Variants in LY86 observed in about 807,000 individuals in gnomAD.
LY86 encodes lymphocyte antigen 86.
In LY86, 20 loss-of-function variants were observed where a neutral mutation model predicts 17.3. That is an observed-to-expected ratio of 1.15 (90% CI 0.81 to 1.68). LY86 has a LOEUF of 1.68. Ranked by LOEUF, LY86 falls within the 40% of genes most tolerant of loss-of-function variation. The pLI is 0.00. For synonymous variants in LY86, 74 were observed against 70.6 expected (o/e 1.05, Z -0.24); for missense variants, 200 against 191.9 (o/e 1.04, Z -0.25).
chr6:6,651,936 A>C (rs570111649), intron 4 of LY86, among the ~76,000 whole-genome samples: 12 of 151,872 alleles, frequency 7.9e-5, no homozygotes, highest in African/African-American at 2.9e-4. Flanking sequence ...CACGCCTGTA[A>C]TCGCAGCCAC....
intron 3 of LY86, among the ~76,000 whole-genome samples, chr6:6,640,536 A>G (rs755520267): frequency 2.5e-4 from 38 of 152,214 alleles, no homozygotes; most frequent in Admixed American, 4.6e-4. Context: ...ACTGGGCAAC[A>G]TAGGAAGACC....
At chr6:6,605,372 G>A (rs1412643838) in intron 1 of LY86, among the ~76,000 whole-genome samples, 9 of 152,220 alleles carry the variant, frequency 5.9e-5, no homozygotes, top group African/African-American at 2.2e-4. Context: ...GCTTGGCTGG[G>A]GGAGCAGCTG....
intron 1 of LY86, among the ~76,000 whole-genome samples, chr6:6,592,326 A>T (rs1444980233): frequency 2.0e-5 from 3 of 152,234 alleles, no homozygotes; most frequent in Non-Finnish European, 4.4e-5. Flanking sequence ...AGGAGCAAAC[A>T]CAGTCAGGGC....
chr6:6,613,334 G>A (rs1464172084), intron 1 of LY86, among the ~76,000 whole-genome samples: 1 of 152,228 alleles, frequency 6.6e-6, no homozygotes, highest in Non-Finnish European at 1.5e-5. Context: ...GGGTGGCGCT[G>A]CTCGTCGGGG....
intron 1 of LY86, among the ~76,000 whole-genome samples, chr6:6,612,877 T>A (rs1264120191): frequency 1.3e-5 from 2 of 151,696 alleles, no homozygotes; most frequent in East Asian, 3.9e-4. Flanking sequence ...TACATTCCCT[T>A]AGCTAGACAT....
intron 4 of LY86, among the ~76,000 whole-genome samples, chr6:6,651,661 T>C (rs1762188521): frequency 6.6e-6 from 1 of 152,194 alleles, no homozygotes; most frequent in Admixed American, 6.5e-5. Context: ...AACAATTGAC[T>C]TTCACTTTTG....
At chr6:6,645,155 G>A (rs1012388353) in intron 3 of LY86, among the ~76,000 whole-genome samples, 2 of 151,956 alleles carry the variant, frequency 1.3e-5, no homozygotes, top group African/African-American at 2.4e-5. Flanking sequence ...TTTTTAAAAC[G>A]AAAGTTTAAA....
At chr6:6,589,450 C>T (rs1477923727) in intron 1 of LY86, among the ~76,000 whole-genome samples, 1 of 152,170 alleles carries the variant, frequency 6.6e-6, no homozygotes, top group Admixed American at 6.5e-5. Flanking sequence ...GTGCATATGC[C>T]AGGCCTGTCA....
At chr6:6,594,729 A>C (rs952127945) in intron 1 of LY86, among the ~76,000 whole-genome samples, 7 of 152,322 alleles carry the variant, frequency 4.6e-5, no homozygotes, top group South Asian at 2.1e-4. Flanking sequence ...TCATTGTCAT[A>C]ATAACCTCTC....
intron 3 of LY86, among the ~76,000 whole-genome samples, chr6:6,646,589 A>G (rs1762111520): frequency 6.6e-6 from 1 of 152,222 alleles, no homozygotes; most frequent in African/African-American, 2.4e-5. Flanking sequence ...GCCCTCTGCC[A>G]TGTGGCTTCC....
intron 4 of LY86, 55 bp from the exon 5 acceptor site, chr6:6,654,489 A>G (rs1320294269): frequency 4.6e-6 from 6 of 1,303,300 alleles, no homozygotes; most frequent in Non-Finnish European, 5.6e-6. Flanking sequence ...TATTTGTTAA[A>G]TGGTTAATTG....
chr6:6,622,531 G>A (rs1025686114), intron 1 of LY86: 3 of 152,170 alleles, frequency 2.0e-5, no homozygotes, highest in African/African-American at 7.2e-5. Context: ...GAGATACTTA[G>A]GAAGGAGTCC....
At chr6:6,647,132 A>G (rs1355883018) in intron 3 of LY86, among the ~76,000 whole-genome samples, 1 of 151,628 alleles carries the variant, frequency 6.6e-6, no homozygotes, top group African/African-American at 2.4e-5. Context: ...CCCATCTACA[A>G]ACGTATCTAC....
intron 3 of LY86, among the ~76,000 whole-genome samples, chr6:6,634,837 A>G (rs917535522): frequency 4.6e-5 from 7 of 152,178 alleles, no homozygotes; most frequent in African/African-American, 1.7e-4. Flanking sequence ...AATGAAGGGA[A>G]TTTGGGGGGA....
At chr6:6,589,677 T>C (rs1760465878) in intron 1 of LY86, among the ~76,000 whole-genome samples, 1 of 152,172 alleles carries the variant, frequency 6.6e-6, no homozygotes, top group African/African-American at 2.4e-5. Flanking sequence ...CCTCTCTTCT[T>C]TGCTTCTAGG....
intron 3 of LY86, among the ~76,000 whole-genome samples, chr6:6,635,249 T>C (rs1279278898): frequency 1.3e-5 from 2 of 152,226 alleles, no homozygotes; most frequent in African/African-American, 2.4e-5. Flanking sequence ...AAGCCATGAA[T>C]AGTAACAAAT....
In LY86 at chr6:6,626,643, G is replaced by A. The variant is rs972026488; in HGVS notation, c.352+222G>A. 6.6e-5 allele frequency among the ~76,000 whole-genome samples: 10 copies of A among 152,146 alleles called. 1 individual carries two copies. Among genetic ancestry groups the A allele is most frequent in the Admixed American group, 3.9e-4 (6 of 15,282 alleles). On this transcript the variant is annotated intron_variant, in intron 3 of 4. Transcript: ENST00000230568. ...TGTGAATATCAAAATGAAATGACAC[G>A]TATGAGATGCTTTAAAACAGAACAT...
intron 1 of LY86, among the ~76,000 whole-genome samples, chr6:6,613,520 C>T (rs1022920208): frequency 6.6e-6 from 1 of 152,312 alleles, no homozygotes; most frequent in East Asian, 1.9e-4. Context: ...CCGGGGCTTG[C>T]TGTCAGGCCG....
chr6:6,616,354 T>G (rs1046972827), intron 1 of LY86, among the ~76,000 whole-genome samples: 1 of 152,208 alleles, frequency 6.6e-6, no homozygotes, highest in Admixed American at 6.5e-5. Context: ...TCTGCCTCGC[T>G]CATGTACTGC....
Sources: allele counts gnomAD v4.1 joint callset (sites outside exome capture counted in the v4.1 genomes callset), GRCh38; gene constraint gnomAD v4.1.1; transcripts MANE v1.5; gene names NCBI Gene and HGNC (gene_info 2026-07-23, HGNC 2026-07-21).